The following SLC19A1 variants were observed in gnomAD, a reference collection of about 807,000 sequenced individuals.
SLC19A1 encodes solute carrier family 19 member 1.
Under a neutral mutation model 35.3 loss-of-function variants are expected in SLC19A1, and 37 were observed. That is an observed-to-expected ratio of 1.05 (90% CI 0.81 to 1.38). SLC19A1 has a LOEUF of 1.38. Ranked by LOEUF, SLC19A1 falls within the 40% of genes most tolerant of loss-of-function variation. The pLI is 0.00. For missense variants in SLC19A1, 831 were observed against 826.9 expected, an observed-to-expected ratio of 1.00 and a Z score of -0.06; for synonymous variants, 460 against 398.5, an observed-to-expected ratio of 1.15 and a Z score of -1.84.
chr21:45,523,955 G>A (rs1486701079), intron 5 of SLC19A1, among the ~76,000 whole-genome samples: 2 of 152,182 alleles, frequency 1.3e-5, no homozygotes, highest in African/African-American at 2.4e-5. Context: ...AAGCCTTCTG[G>A]GCCCCCTTTC....
chr21:45,540,988 TGTTC>T lies in SLC19A1; in HGVS notation c.-50+1376_-50+1379del, dbSNP rs1263932405. Among the ~76,000 whole-genome samples, 1 of 151,622 alleles carries T rather than the reference TGTTC, an allele frequency of 6.6e-6. No homozygotes were observed. The highest frequency in any genetic ancestry group is 1.5e-5 in the Non-Finnish European group (1 of 67,972). The stretch of plus-strand genomic sequence containing the variant: ...CCTACTCTGGAAGGCTAACCAAGAA[TGTTC>T]GTTATGTTTTTTAGAACGCCTGCTA... On this transcript the variant is annotated intron_variant, in intron 1 of 5. Coordinates refer to ENST00000311124, the MANE Select transcript of SLC19A1 (RefSeq NM_194255.4). The surrounding 1 kb of genome is among the most constrained non-coding windows in gnomAD (Gnocchi z 5.5).
intron 1 of SLC19A1, among the ~76,000 whole-genome samples, chr21:45,554,804 T>C (rs974683233): frequency 1.5e-4 from 23 of 151,866 alleles, no homozygotes; most frequent in Non-Finnish European, 2.9e-5. Flanking sequence ...AAGTGAATCT[T>C]TCTCTTACGG....
rs748442048 is a variant in SLC19A1 at position 45,504,440 on chromosome 21, G to A, written c.498-5828C>T. On this transcript the variant is annotated intron_variant, in intron 3 of 4. Coordinates refer to the SLC19A1 transcript ENST00000417954. ...GGGGGAGAAGGGAGACCGAGGTGAT[G>A]CAGGACAGAAAGGCGAAAGGGGGGA... The A allele has an allele frequency of 6.2e-6, 10 of 1,611,880 alleles. No homozygotes were observed. The South Asian group carries it at 9.9e-5, about 16-fold the overall frequency.
intron 1 of SLC19A1, among the ~76,000 whole-genome samples, chr21:45,560,973 T>G (rs535406191): frequency 3.8e-4 from 58 of 152,234 alleles, no homozygotes; most frequent in Non-Finnish European, 7.2e-4. Flanking sequence ...GCTGTGGTCA[T>G]TCCCTGCCCT....
In SLC19A1 at chr21:45,515,156, C is replaced by T. The variant is rs1181623136; in HGVS notation, c.*502G>A. On this transcript the variant is annotated 3_prime_UTR_variant, in exon 6 of 6. Transcript: ENST00000311124. ...AAGCCACATGCAGTTCTTCATTCTA[C>T]GTCAGTTAAAAAAAAAAAAAGCATC... 4.0e-6 allele frequency: 6 copies of T among 1,490,404 alleles called. No homozygotes were observed. Among genetic ancestry groups the T allele is most frequent in the African/African-American group, 1.8e-5 (1 of 55,646 alleles). 92.3% of individuals were successfully genotyped at this position (1,490,404 alleles called of 1,614,324 possible). A position where few individuals can be genotyped will look rare whatever the true frequency, so the allele number is the denominator to read the frequency against.
In SLC19A1 at chr21:45,534,706, C is replaced by T; in HGVS notation, c.190-2558G>A. On this transcript the variant is annotated intron_variant, in intron 2 of 5. Coordinates refer to ENST00000311124, the MANE Select transcript of SLC19A1 (RefSeq NM_194255.4). This position sits in a 1 kb window ranked among gnomAD's most constrained non-coding sequence, Gnocchi z 4.2. ...CCTCTCCCTGCACCTCCTCAACGGCCCCTACTCCCTCTTCCTCAGCCTTGG... is the reference window on the plus strand; with the variant it reads ...CCTCTCCCTGCACCTCCTCAACGGCTCCTACTCCCTCTTCCTCAGCCTTGG... 1 of 933,750 alleles carries T rather than the reference C, an allele frequency of 1.1e-6. No homozygotes were observed. The highest frequency in any genetic ancestry group is 1.6e-6 in the Non-Finnish European group (1 of 611,148). 57.8% of individuals were successfully genotyped at this position (933,750 alleles called of 1,614,324 possible).
intron 1 of SLC19A1, among the ~76,000 whole-genome samples, chr21:45,553,115 C>T (rs1010622516): frequency 3.9e-5 from 6 of 152,104 alleles, no homozygotes; most frequent in East Asian, 3.8e-4. Flanking sequence ...GCGGGGGCCT[C>T]GCTGGAGGCT....
At chr21:45,512,489 C>T, downstream of SLC19A1, 1 of 1,207,134 alleles carries the variant, frequency 8.3e-7, no homozygotes, top group Non-Finnish European at 1.2e-6. Context: ...CCCCTGGCCC[C>T]AGGACCTGGC....
At chr21:45,525,538 C>T (rs914869821) in intron 5 of SLC19A1, among the ~76,000 whole-genome samples, 10 of 152,232 alleles carry the variant, frequency 6.6e-5, no homozygotes, top group South Asian at 2.1e-4. Flanking sequence ...AGGCAGAGAG[C>T]GGAGACAAGG....
At chr21:45,503,065 T>C (rs1301365876) in intron 3 of SLC19A1, 3 of 152,214 alleles carry the variant, frequency 2.0e-5, no homozygotes, top group South Asian at 2.1e-4. Flanking sequence ...GCATGATTTA[T>C]AGTCCTTTGT....
chr21:45,526,085 AC>A, intron 4 of SLC19A1, 127 bp from the exon 5 acceptor site: 1 of 974,254 alleles, frequency 1.0e-6, no homozygotes, highest in African/African-American at 1.6e-5. Context: ...CAGGGCACGC[AC>A]AAGCCCCCCA....
At chr21:45,543,221 G>T (rs982857435), upstream of SLC19A1, among the ~76,000 whole-genome samples, 16 of 152,338 alleles carry the variant, frequency 1.1e-4, 1 homozygote, top group South Asian at 3.3e-3. Flanking sequence ...GTGGGGCTGC[G>T]GCAGACAGCA....
intron 5 of SLC19A1, among the ~76,000 whole-genome samples, chr21:45,523,864 A>T (rs1602736742): frequency 6.6e-6 from 1 of 151,824 alleles, no homozygotes; most frequent in Non-Finnish European, 1.5e-5. Flanking sequence ...AATGGGGAGG[A>T]CCTCCTCCCG....
rs569418050 is a variant in SLC19A1 at position 45,515,158 on chromosome 21, T to A, written c.*500A>T. The A allele has an allele frequency of 1.1e-4, 166 of 1,480,186 alleles. 1 individual carries two copies. In the African/African-American group the frequency reaches 3.1e-3, roughly 27 times the overall value. The allele number at this position is 1,480,186 out of a possible 1,614,324, so 91.7% of individuals were successfully genotyped here. On this transcript the variant is annotated 3_prime_UTR_variant, in exon 6 of 6. Transcript: ENST00000311124. ...GCCACATGCAGTTCTTCATTCTACG[T>A]CAGTTAAAAAAAAAAAAAGCATCTT...
chr21:45,515,776 G>T lies in SLC19A1; in HGVS notation c.1658C>A (p.Ala553Asp). 6.2e-7 allele frequency: 1 copy of T among 1,613,780 alleles called. No individual in the cohort carries two copies. ...PSPCTLCSAQ[A>D]SGPEAADETC... ...CTCATCTGCAGCCTCAGGGCCTGAG[G>T]CTTGGGCGGAGCACAGAGTGCAGGG... is the stretch of plus-strand genomic sequence containing the variant. The change falls in exon 6 of 6, where the codon GCC becomes GAC. Residue 553 changes from alanine to aspartate, a missense_variant. Transcript: ENST00000311124.
chr21:45,562,174 T>A (rs2078622063), intron 1 of SLC19A1, among the ~76,000 whole-genome samples: 3 of 146,532 alleles, frequency 2.0e-5, no homozygotes, highest in South Asian at 2.2e-4. Flanking sequence ...GCACACTAAC[T>A]CCAAAGGGTT....
downstream of SLC19A1, chr21:45,512,333 G>A (rs766483637): frequency 1.4e-5 from 23 of 1,612,508 alleles, no homozygotes; most frequent in Middle Eastern, 1.6e-4. Flanking sequence ...GCAGAGTGCC[G>A]CGAGCTGCCA....
chr21:45,513,380 G>T lies in SLC19A1; in HGVS notation c.*2278C>A, dbSNP rs2037721795. 1 of 152,284 alleles carries T rather than the reference G, an allele frequency of 6.6e-6. No individual in the cohort carries two copies. The highest frequency in any genetic ancestry group is 2.4e-5 in the African/African-American group (1 of 41,466). The allele number at this position is 152,284 out of a possible 1,614,324, so 9.4% of individuals were successfully genotyped here. A position where few individuals can be genotyped will look rare whatever the true frequency, so the allele number is the denominator to read the frequency against. ...TGGACAGGCTGGCTCCAGATGCAGG[G>T]CAGTCATTGGCTGTCTCCTAGGAAA... On this transcript the variant is annotated 3_prime_UTR_variant, in exon 6 of 6. Coordinates refer to ENST00000311124, the MANE Select transcript of SLC19A1 (RefSeq NM_194255.4).
At chr21:45,556,088 A>G (rs921956816) in intron 1 of SLC19A1, among the ~76,000 whole-genome samples, 1 of 152,116 alleles carries the variant, frequency 6.6e-6, no homozygotes, top group African/African-American at 2.4e-5. Context: ...ACAGAGGTGG[A>G]AAGAGGGGCC....
Sources: allele counts gnomAD v4.1 joint callset (sites outside exome capture counted in the v4.1 genomes callset), GRCh38; gene constraint gnomAD v4.1.1; non-coding constraint Gnocchi (gnomAD v3.1); transcripts MANE v1.5; gene names NCBI Gene and HGNC (gene_info 2026-07-23, HGNC 2026-07-21).